Variants in MSRA observed in about 807,000 individuals in gnomAD.
MSRA encodes the protein mitochondrial peptide methionine sulfoxide reductase.
MSRA carries 54 observed loss-of-function variants against 31.3 expected under a neutral mutation model. The observed-to-expected ratio is 1.73, with a 90% CI of 1.39 to 2.17. The LOEUF is 2.17. Ranked by LOEUF, MSRA falls within the 30% of genes most tolerant of loss-of-function variation. The probability of loss-of-function intolerance (pLI) is 0.00; values close to 1 mark genes in which losing one functional copy is unlikely to be tolerated. For synonymous variants in MSRA, 169 were observed against 116.5 expected (o/e 1.45, Z -2.90); for missense variants, 507 against 300.9 (o/e 1.69, Z -5.07).
chr8:10,368,116 G>A (rs1050889935), intron 5 of MSRA, among the ~76,000 whole-genome samples: 43 of 152,304 alleles, frequency 2.8e-4, no homozygotes, highest in African/African-American at 1.0e-3. Context: ...GAGTCATGAA[G>A]CCATGGAAAG....
chr8:10,056,312 A>C (rs563074455), intron 1 of MSRA, among the ~76,000 whole-genome samples: 6 of 152,264 alleles, frequency 3.9e-5, no homozygotes, highest in African/African-American at 1.4e-4. Flanking sequence ...TCTTAACCAA[A>C]GTCTTCCCAA....
chr8:10,283,635 C>G (rs1799753689), intron 3 of MSRA, among the ~76,000 whole-genome samples: 1 of 151,300 alleles, frequency 6.6e-6, no homozygotes, highest in South Asian at 2.1e-4. Flanking sequence ...TTTTGTCATT[C>G]TTATGCCTTT....
At position 10,301,567 on chromosome 8, in the gene MSRA, T is replaced by G. The variant is rs1433097861; in HGVS notation, c.365T>G (p.Val122Gly). 5.6e-6 allele frequency: 9 copies of G among 1,613,900 alleles called. No individual in the cohort carries two copies. Among genetic ancestry groups the G allele is most frequent in the Middle Eastern group, 3.3e-4 (2 of 6,084 alleles). The change falls in exon 4 of 6, where the codon GTG (valine) becomes GGG (glycine). Residue 122 changes from valine (V) to glycine (G), a missense_variant. Coordinates refer to ENST00000317173, the MANE Select transcript of MSRA (RefSeq NM_012331.5). Reference protein sequence around the residue: ...KTGHAEVVRVVYQPEHMSFEE... With the variant: ...KTGHAEVVRVGYQPEHMSFEE... ...GGCCATGCAGAAGTCGTCCGAGTGG[T>G]GTACCAGCCAGAACACATGAGTTTT... is the stretch of plus-strand genomic sequence containing the variant.
At chr8:10,123,265 C>T (rs980199359) in intron 1 of MSRA, among the ~76,000 whole-genome samples, 1 of 152,196 alleles carries the variant, frequency 6.6e-6, no homozygotes, top group Admixed American at 6.5e-5. Flanking sequence ...ATTTGCATTT[C>T]TCTAATGATC....
chr8:10,341,314 G>A (rs1485887417), intron 5 of MSRA, among the ~76,000 whole-genome samples: 2 of 152,150 alleles, frequency 1.3e-5, no homozygotes, highest in Non-Finnish European at 2.9e-5. Flanking sequence ...GGGGGAACAG[G>A]CACATCACAT....
At chr8:10,167,335 A>G (rs1013516136) in intron 1 of MSRA, among the ~76,000 whole-genome samples, 2 of 152,256 alleles carry the variant, frequency 1.3e-5, no homozygotes, top group African/African-American at 4.8e-5. Flanking sequence ...AACCAATCAC[A>G]TAATGATCTT....
intron 5 of MSRA, among the ~76,000 whole-genome samples, chr8:10,353,387 G>A (rs934911728): frequency 1.2e-4 from 19 of 152,202 alleles, no homozygotes; most frequent in South Asian, 2.1e-4. Context: ...CACCAGGGCC[G>A]TCCGTGGCGT....
intron 2 of MSRA, among the ~76,000 whole-genome samples, chr8:10,208,159 A>G (rs764551701): frequency 4.7e-4 from 72 of 151,612 alleles, no homozygotes; most frequent in Non-Finnish European, 8.2e-4. Context: ...TTATGTCCAC[A>G]CTGTGAATTA....
intron 3 of MSRA, among the ~76,000 whole-genome samples, chr8:10,279,157 T>C (rs1360136019): frequency 1.3e-5 from 2 of 152,192 alleles, no homozygotes; most frequent in African/African-American, 2.4e-5. Context: ...GGAGCCTCTG[T>C]CTCTTCATTA....
chr8:10,387,026 A>G (rs1191628460), intron 5 of MSRA, among the ~76,000 whole-genome samples: 1 of 152,132 alleles, frequency 6.6e-6, no homozygotes, highest in Non-Finnish European at 1.5e-5. Flanking sequence ...ACAGATTCCA[A>G]CTCAGCAGGT....
intron 5 of MSRA, among the ~76,000 whole-genome samples, chr8:10,334,305 G>T (rs966722099): frequency 6.6e-5 from 10 of 152,098 alleles, no homozygotes; most frequent in Non-Finnish European, 1.3e-4. Flanking sequence ...CAGCATTTCA[G>T]CTAGGGTAGG....
intron 5 of MSRA, among the ~76,000 whole-genome samples, chr8:10,424,067 C>T (rs1408626690): frequency 6.6e-6 from 1 of 152,188 alleles, no homozygotes; most frequent in Non-Finnish European, 1.5e-5. Context: ...CGATGCCACG[C>T]GAACATAGTA....
At chr8:10,367,806 G>C (rs1328383844) in intron 5 of MSRA, among the ~76,000 whole-genome samples, 2 of 152,214 alleles carry the variant, frequency 1.3e-5, no homozygotes, top group Non-Finnish European at 2.9e-5. Context: ...CAGCACATCT[G>C]GAAGAGGGTA....
chr8:10,281,428 C>T (rs1279932956), intron 3 of MSRA, among the ~76,000 whole-genome samples: 1 of 152,206 alleles, frequency 6.6e-6, no homozygotes, highest in Non-Finnish European at 1.5e-5. Context: ...AGTTCCCACC[C>T]TCATAGGTAA....
chr8:10,121,028 A>T (rs890264266), intron 1 of MSRA, among the ~76,000 whole-genome samples: 4 of 152,248 alleles, frequency 2.6e-5, no homozygotes, highest in Non-Finnish European at 5.9e-5. Context: ...AATTAAGTCA[A>T]ACATTTCAGA....
chr8:10,086,404 C>G (rs1434974010), intron 1 of MSRA, among the ~76,000 whole-genome samples: 2 of 152,108 alleles, frequency 1.3e-5, no homozygotes, highest in African/African-American at 4.8e-5. Context: ...TGAAGAAGCA[C>G]CGTTAAGTAG....
intron 1 of MSRA, among the ~76,000 whole-genome samples, chr8:10,165,038 A>G (rs930090133): frequency 6.6e-6 from 1 of 152,094 alleles, no homozygotes; most frequent in Non-Finnish European, 1.5e-5. Flanking sequence ...AAAAAACTGT[A>G]TTGATGTCTG....
chr8:10,293,969 C>T (rs1002387607), intron 3 of MSRA, among the ~76,000 whole-genome samples: 2 of 152,024 alleles, frequency 1.3e-5, no homozygotes, highest in African/African-American at 2.4e-5. Flanking sequence ...TTCGAAAGGC[C>T]GAGGTGGGAG....
At position 10,329,025 on chromosome 8, in the gene MSRA, C is replaced by T. The variant is rs191449986; in HGVS notation, c.543+9036C>T. ...GACCCTAAACCCTATCCTGCAAACT[C>T]TCTTGACACCGAAGTTGCTATTATG... On this transcript the variant is annotated intron_variant, in intron 5 of 5. Coordinates refer to ENST00000317173, the MANE Select transcript of MSRA (RefSeq NM_012331.5). Among the ~76,000 whole-genome samples the T allele has an allele frequency of 5.9e-5, 9 of 152,304 alleles. No individual in the cohort carries two copies. The East Asian group carries it at 1.5e-3, about 26-fold the overall frequency.
Sources: allele counts gnomAD v4.1 joint callset (sites outside exome capture counted in the v4.1 genomes callset), GRCh38; gene constraint gnomAD v4.1.1; transcripts MANE v1.5; gene names NCBI Gene and HGNC (gene_info 2026-07-23, HGNC 2026-07-21).